The following ABCG2 variants were observed in gnomAD, a reference collection of about 807,000 sequenced individuals.
ABCG2 encodes broad substrate specificity ATP-binding cassette transporter ABCG2.
Under a neutral mutation model 73.5 loss-of-function variants are expected in ABCG2, and 80 were observed. The ratio of observed to expected loss-of-function variants is 1.09; its 90% CI spans 0.91 to 1.31. The LOEUF (loss-of-function observed/expected upper bound fraction) is 1.31. ABCG2 is among the 50% of genes most tolerant of loss of function. The probability of loss-of-function intolerance (pLI) is 0.00; values close to 1 mark genes in which losing one functional copy is unlikely to be tolerated. For synonymous variants in ABCG2, 269 were observed against 282.4 expected (o/e 0.95, Z 0.48); for missense variants, 796 against 786.2 (o/e 1.01, Z -0.15).
chr4:88,092,466 C>A (rs914176652), intron 15 of ABCG2, 85 bp from the exon 16 acceptor site: 1 of 1,404,452 alleles, frequency 7.1e-7, no homozygotes, highest in Non-Finnish European at 9.6e-7. Context: ...CTTAAAGGAG[C>A]CTAAAATTGA....
intron 11 of ABCG2, among the ~76,000 whole-genome samples, chr4:88,100,193 A>T (rs1229721763): frequency 1.5e-3 from 8 of 5,310 alleles, no homozygotes; most frequent in South Asian, 0.029. Flanking sequence ...AAAAAAATTA[A>T]AAAAAAAAAA....
rs1722251057 is a variant in ABCG2, at chr4:88,099,521, T to C, written c.1368-73A>G. 3.4e-6 allele frequency: 5 copies of C among 1,454,914 alleles called. No individual in the cohort carries two copies. In the Admixed American group the frequency reaches 1.1e-4, roughly 33 times the overall value. 90.1% of individuals were successfully genotyped at this position (1,454,914 alleles called of 1,614,324 possible). On this transcript the variant is annotated intron_variant, in intron 11 of 15. Transcript: ENST00000237612. ...CCACAGGGCAGGCTAGACTTGTCTG[T>C]TACAGACCTCTGCTGACAGCAGGGG...
rs374493295 is a variant in ABCG2, at chr4:88,101,494, T to C, written c.1278-175A>G. ...ACCCCATCAAGCCTCTCCCCATCTC[T>C]TATGTCTCCACAGTGGTACTCATTT... On this transcript the variant is annotated intron_variant, in intron 10 of 15. Coordinates refer to ENST00000237612, the MANE Select transcript of ABCG2 (RefSeq NM_004827.3). Among the ~76,000 whole-genome samples the C allele has an allele frequency of 4.3e-4, 66 of 152,250 alleles. No homozygotes were observed. The East Asian group carries it at 0.012, about 28-fold the overall frequency.
chr4:88,176,739 T>C (rs1020824994), intron 1 of ABCG2, among the ~76,000 whole-genome samples: 2 of 147,620 alleles, frequency 1.4e-5, no homozygotes, highest in African/African-American at 5.0e-5. Context: ...AGCAGTCCTC[T>C]CGCCTTGGCC....
At chr4:88,125,468 C>A (rs1176448609) in intron 5 of ABCG2, among the ~76,000 whole-genome samples, 2 of 151,210 alleles carry the variant, frequency 1.3e-5, no homozygotes, top group Non-Finnish European at 2.9e-5. Flanking sequence ...ATTAGCCGGG[C>A]TAAGTGGTGG....
Position 88,147,294 on chromosome 4 carries a change from C to CA in ABCG2, c.-19-7281dup, listed in dbSNP as rs1384460293. Reference sequence around the variant, plus strand: ...TGGGCAACATGACAAGACCCTGTCTCAAAAAAACGTACCTAAACTCTCTAG... The same window carrying CA: ...TGGGCAACATGACAAGACCCTGTCTCAAAAAAAACGTACCTAAACTCTCTAG... On this transcript the variant is annotated intron_variant, in intron 1 of 15. Transcript: ENST00000237612. Among the ~76,000 whole-genome samples the CA allele has an allele frequency of 9.2e-5, 14 of 151,854 alleles. 1 individual carries two copies. The highest frequency in any genetic ancestry group is 2.6e-4 in the Admixed American group (4 of 15,256).
At chr4:88,117,389 T>C (rs954313473) in intron 7 of ABCG2, among the ~76,000 whole-genome samples, 1 of 151,208 alleles carries the variant, frequency 6.6e-6, no homozygotes, top group South Asian at 2.1e-4. Flanking sequence ...TCCCAGCACG[T>C]TGGGAGGCCG....
intron 11 of ABCG2, 130 bp downstream of exon 11, chr4:88,101,100 T>G: frequency 4.5e-6 from 3 of 667,420 alleles, no homozygotes; most frequent in Non-Finnish European, 7.7e-6. Flanking sequence ...TTCATCAATT[T>G]AAAAATAAAT....
intron 5 of ABCG2, 131 bp from the exon 6 acceptor site, chr4:88,121,923 T>G (rs1427675990): frequency 3.5e-6 from 3 of 863,324 alleles, no homozygotes; most frequent in African/African-American, 3.4e-5. Flanking sequence ...AGCAAATAAG[T>G]GGATACCTGG....
rs147117362 is a variant in ABCG2 at position 88,215,882 on chromosome 4, T to C, written c.-20+15112A>G. Among the ~76,000 whole-genome samples the C allele has an allele frequency of 2.7e-3, 413 of 152,336 alleles. 4 individuals are homozygous for C. Among genetic ancestry groups the C allele is most frequent in the African/African-American group, 9.0e-3 (374 of 41,576 alleles). Reference sequence around the variant, plus strand: ...TTGCCAAATTGTGCGTTGTACCTAATTCCCAGACCTATGTCAGTTAGGAGA... The same window carrying C: ...TTGCCAAATTGTGCGTTGTACCTAACTCCCAGACCTATGTCAGTTAGGAGA... On this transcript the variant is annotated intron_variant, in intron 1 of 15. Transcript: ENST00000515655.
chr4:88,185,901 T>C (rs912162927), intron 1 of ABCG2, among the ~76,000 whole-genome samples: 3 of 152,178 alleles, frequency 2.0e-5, no homozygotes, highest in African/African-American at 7.2e-5. Context: ...CTGTGCACTG[T>C]TGGCAGGAAT....
chr4:88,104,963 A>G (rs1356382218), intron 10 of ABCG2, among the ~76,000 whole-genome samples: 1 of 152,110 alleles, frequency 6.6e-6, no homozygotes, highest in African/African-American at 2.4e-5. Context: ...TCCTCTCCAA[A>G]TGCTTCCTGC....
intron 15 of ABCG2, among the ~76,000 whole-genome samples, chr4:88,093,503 CAAAAAA>C (rs10533191): frequency 9.5e-5 from 10 of 105,006 alleles, no homozygotes; most frequent in African/African-American, 3.4e-4. Flanking sequence ...GACTCCATTT[CAAAAAA>C]AAAAAAAAAA....
intron 15 of ABCG2, among the ~76,000 whole-genome samples, 170 bp from the exon 16 acceptor site, chr4:88,092,551 TAACA>T (rs938188776): frequency 7.9e-5 from 12 of 152,290 alleles, no homozygotes; most frequent in African/African-American, 2.6e-4. Flanking sequence ...TGCTAGACAC[TAACA>T]AACAACATGG....
chr4:88,183,471 AG>A (rs1190958782), intron 1 of ABCG2, among the ~76,000 whole-genome samples: 1 of 152,168 alleles, frequency 6.6e-6, no homozygotes, highest in African/African-American at 2.4e-5. Context: ...AAAACCTAGA[AG>A]AAATAAATTC....
At chr4:88,102,221 G>A (rs1414177759) in intron 10 of ABCG2, among the ~76,000 whole-genome samples, 1 of 152,198 alleles carries the variant, frequency 6.6e-6, no homozygotes, top group Non-Finnish European at 1.5e-5. Flanking sequence ...GACACTTACT[G>A]ATAAAGAAAA....
Position 88,092,181 on chromosome 4 carries a change from T to G in ABCG2, c.*53A>C. On this transcript the variant is annotated 3_prime_UTR_variant, in exon 16 of 16. Transcript: ENST00000237612. ...AAAAAAACTTGATTGAATACTTCAA[T>G]CAAAGTGCTTCTTTTTTATGTGAGG... The G allele has an allele frequency of 6.6e-7, 1 of 1,518,714 alleles. No individual in the cohort carries two copies. Among genetic ancestry groups the G allele is most frequent in the Non-Finnish European group, 8.9e-7 (1 of 1,119,938 alleles). 94.1% of individuals were successfully genotyped at this position (1,518,714 alleles called of 1,614,324 possible).
intron 1 of ABCG2, among the ~76,000 whole-genome samples, chr4:88,213,583 C>G (rs1729684450): frequency 6.6e-6 from 1 of 151,964 alleles, no homozygotes; most frequent in Non-Finnish European, 1.5e-5. Context: ...TTTCCCCTTT[C>G]TCTTCTATAT....
At chr4:88,209,732 T>G (rs976091070) in intron 1 of ABCG2, among the ~76,000 whole-genome samples, 1 of 152,016 alleles carries the variant, frequency 6.6e-6, no homozygotes, top group Non-Finnish European at 1.5e-5. Flanking sequence ...AAATAAAAAT[T>G]TTAAGTGAAA....
Sources: gnomAD v4.1 joint callset for allele counts (sites outside exome capture counted in the v4.1 genomes callset) on GRCh38, gnomAD v4.1.1 for gene constraint, MANE v1.5 for transcripts, NCBI Gene and HGNC (gene_info 2026-07-23, HGNC 2026-07-21) for gene names.